The following XKR9 variants were observed in gnomAD, a reference collection of about 807,000 sequenced individuals.
The protein encoded by XKR9 is XK related 9.
Under a neutral mutation model 32.0 loss-of-function variants are expected in XKR9, and 32 were observed. That is an observed-to-expected ratio of 1.00 (90% confidence interval 0.76 to 1.34). The LOEUF (loss-of-function observed/expected upper bound fraction) is 1.34, where lower values mean the gene tolerates loss of function less well. Among genes scored for constraint, XKR9 ranks in the 40% most tolerant of loss-of-function variants. XKR9 has a pLI of 0.00. For synonymous variants in XKR9, 168 were observed against 143.4 expected (o/e 1.17, Z -1.22); for missense variants, 546 against 429.7 (o/e 1.27, Z -2.39).
chr8:71,003,694 A>G, the XKR9 span, among the ~76,000 whole-genome samples: 1 of 152,190 alleles, frequency 6.6e-6, no homozygotes, highest in African/African-American at 2.4e-5. Flanking sequence ...ATGAATACAT[A>G]TGGCCCCTCT....
chr8:70,687,318 C>CTTTCTTTCTTTCTT, intron 3 of XKR9, among the ~76,000 whole-genome samples: 1 of 95,566 alleles, frequency 1.0e-5, no homozygotes, highest in African/African-American at 4.6e-5. Context: ...CTCCCTCTTT[C>CTTTCTTTCTTTCTT]TTTCTTTCTT....
the XKR9 span, among the ~76,000 whole-genome samples, chr8:71,032,281 C>T: frequency 1.4e-5 from 1 of 73,226 alleles, no homozygotes; most frequent in Admixed American, 1.9e-4. Flanking sequence ...GAGACTCTGT[C>T]AAAAAAAAAA....
At chr8:70,983,081 A>T in the XKR9 span, among the ~76,000 whole-genome samples, 1 of 152,180 alleles carries the variant, frequency 6.6e-6, no homozygotes, top group Admixed American at 6.5e-5. Context: ...TTTGAGTCAG[A>T]TAGCAAAGTT....
the XKR9 span, among the ~76,000 whole-genome samples, chr8:70,813,300 G>T: frequency 9.2e-5 from 14 of 152,172 alleles, no homozygotes; most frequent in South Asian, 2.1e-4. Context: ...ATTCAAGATG[G>T]ATTAAAGACT....
chr8:70,974,272 T>TA, the XKR9 span, among the ~76,000 whole-genome samples: 88 of 152,224 alleles, frequency 5.8e-4, no homozygotes, highest in African/African-American at 2.0e-3. Flanking sequence ...TTTTAGGTTC[T>TA]AGGGTACATG....
chr8:70,879,026 G>A, the XKR9 span, among the ~76,000 whole-genome samples: 10 of 152,176 alleles, frequency 6.6e-5, no homozygotes, highest in African/African-American at 2.2e-4. Flanking sequence ...TAACTACATG[G>A]AAACTGAACA....
At chr8:70,836,581 T>C in the XKR9 span, among the ~76,000 whole-genome samples, 1 of 151,768 alleles carries the variant, frequency 6.6e-6, no homozygotes, top group Non-Finnish European at 1.5e-5. Flanking sequence ...TTTAAAAAAA[T>C]GATTTAAAAA....
At chr8:71,047,263 T>C in the XKR9 span, among the ~76,000 whole-genome samples, 1 of 152,212 alleles carries the variant, frequency 6.6e-6, no homozygotes, top group Admixed American at 6.5e-5. Context: ...GTCTTGTTAT[T>C]TGGCTGCCAC....
chr8:71,011,463 C>A, the XKR9 span, among the ~76,000 whole-genome samples: 2 of 152,264 alleles, frequency 1.3e-5, no homozygotes, highest in South Asian at 4.1e-4. Flanking sequence ...TTATTTCATT[C>A]TAGTCATACC....
chr8:70,811,958 G>A, the XKR9 span, among the ~76,000 whole-genome samples: 7 of 151,856 alleles, frequency 4.6e-5, no homozygotes, highest in African/African-American at 1.7e-4. Context: ...AGCATCATCC[G>A]GATACCAAAG....
the XKR9 span, among the ~76,000 whole-genome samples, chr8:71,042,649 G>A: frequency 6.6e-6 from 1 of 151,870 alleles, no homozygotes; most frequent in African/African-American, 2.4e-5. Context: ...AAAATGTTTA[G>A]TATATTTAAA....
intron 2 of XKR9, among the ~76,000 whole-genome samples, chr8:70,760,852 C>T (rs955119830): frequency 5.3e-5 from 8 of 152,122 alleles, no homozygotes; most frequent in Non-Finnish European, 1.2e-4. Flanking sequence ...TTTCCTGATC[C>T]TGTTCTTCCT....
the XKR9 span, among the ~76,000 whole-genome samples, chr8:70,880,804 G>A: frequency 6.6e-5 from 10 of 152,016 alleles, no homozygotes; most frequent in Admixed American, 1.3e-4. Context: ...AAAAGAGCCC[G>A]TATAACCAAG....
Position 70,734,073 on chromosome 8 carries a change from A to T in XKR9, c.771A>T (p.Ile257=). The change falls in exon 5 of 5, where the codon ATA becomes ATT. Residue 257 remains isoleucine (I), a synonymous_variant. Transcript: ENST00000408926. The part of the protein sequence containing the change: ...FKNNTQFCTC[I]SMEFLYRIVV... ...ACAACACCCAGTTTTGTACTTGTAT[A>T]AGTATGGAATTCTTATATAGGATTG... 1.2e-6 allele frequency: 2 copies of T among 1,613,054 alleles called. 1 individual carries two copies. The highest frequency in any genetic ancestry group is 2.2e-5 in the South Asian group (2 of 90,986).
At chr8:70,769,264 C>T (rs1807420828) in intron 2 of XKR9, among the ~76,000 whole-genome samples, 1 of 151,132 alleles carries the variant, frequency 6.6e-6, no homozygotes, top group South Asian at 2.1e-4. Flanking sequence ...GAATATTGGC[C>T]CCCACTGTCT....
At chr8:71,028,636 T>TA in the XKR9 span, among the ~76,000 whole-genome samples, 137 of 152,270 alleles carry the variant, frequency 9.0e-4, no homozygotes, top group African/African-American at 2.7e-3. Context: ...TGTCCCACCA[T>TA]AAAAAATGTG....
rs1257142256 is a variant in XKR9 at position 70,735,506 on chromosome 8, A to G, written c.*1082A>G. On this transcript the variant is annotated 3_prime_UTR_variant, in exon 5 of 5. Coordinates refer to ENST00000408926, the MANE Select transcript of XKR9 (RefSeq NM_001011720.2). ...ACTTTAAGGTTTAGGGTACATGTGC[A>G]CAATGTGCAGGTTAGTTACATATGT... 1 of 151,508 alleles carries G rather than the reference A, an allele frequency of 6.6e-6. No individual in the cohort carries two copies. The highest frequency in any genetic ancestry group is 2.4e-5 in the African/African-American group (1 of 41,262). 9.4% of individuals were successfully genotyped at this position (151,508 alleles called of 1,614,324 possible).
intron 3 of XKR9, among the ~76,000 whole-genome samples, chr8:70,691,147 T>G (rs1819498884): frequency 6.6e-6 from 1 of 152,218 alleles, no homozygotes; most frequent in African/African-American, 2.4e-5. Context: ...TTCATTTGCA[T>G]TTCTCTAATG....
At chr8:70,806,067 T>C in the XKR9 span, among the ~76,000 whole-genome samples, 2 of 152,268 alleles carry the variant, frequency 1.3e-5, no homozygotes, top group South Asian at 4.1e-4. Flanking sequence ...GGCACCCATC[T>C]TTGCTGTTCT....
Sources: gnomAD v4.1 joint callset for allele counts (sites outside exome capture counted in the v4.1 genomes callset) on GRCh38, gnomAD v4.1.1 for gene constraint, MANE v1.5 for transcripts, NCBI Gene and HGNC (gene_info 2026-07-23, HGNC 2026-07-21) for gene names.